Variants in SLC10A7 observed in about 807,000 individuals in gnomAD.
The protein encoded by SLC10A7 is solute carrier family 10 member 7.
A neutral mutation model predicts 43.2 loss-of-function variants in SLC10A7; 29 were observed. The observed-to-expected ratio is 0.67, with a 90% confidence interval of 0.50 to 0.92. The LOEUF (loss-of-function observed/expected upper bound fraction) is 0.92. SLC10A7 is among the 40% of genes least tolerant of loss of function. SLC10A7 has a pLI of 0.00. For missense variants in SLC10A7, 295 were observed against 403.2 expected, an observed-to-expected ratio of 0.73 and a Z score of 2.30; for synonymous variants, 152 against 144.8, an observed-to-expected ratio of 1.05 and a Z score of -0.35.
intron 5 of SLC10A7, among the ~76,000 whole-genome samples, chr4:146,333,333 T>C (rs1733662500): frequency 6.6e-6 from 1 of 152,164 alleles, no homozygotes. Context: ...TGCCAGACCC[T>C]ATTAGATGAT....
intron 5 of SLC10A7, among the ~76,000 whole-genome samples, chr4:146,399,531 G>T (rs930756642): frequency 6.6e-6 from 1 of 152,126 alleles, no homozygotes; most frequent in East Asian, 1.9e-4. Flanking sequence ...AGCACAACAG[G>T]CATAATTACA....
At chr4:146,345,046 T>C (rs1734523985) in intron 5 of SLC10A7, among the ~76,000 whole-genome samples, 2 of 152,120 alleles carry the variant, frequency 1.3e-5, no homozygotes, top group Admixed American at 1.3e-4. Context: ...CTCTAAATAC[T>C]GGTATGAATC....
At chr4:146,424,899 T>C (rs1465546353) in intron 5 of SLC10A7, among the ~76,000 whole-genome samples, 1 of 152,136 alleles carries the variant, frequency 6.6e-6, no homozygotes, top group Non-Finnish European at 1.5e-5. Flanking sequence ...AGTATAGTGT[T>C]GAAAAAGAAA....
intron 5 of SLC10A7, among the ~76,000 whole-genome samples, chr4:146,385,320 G>T (rs1356217422): frequency 6.6e-6 from 1 of 152,110 alleles, no homozygotes; most frequent in Admixed American, 6.6e-5. Flanking sequence ...TAGTGCAAAA[G>T]TAACTGCGGT....
chr4:146,326,273 G>A lies in SLC10A7; in HGVS notation c.436-277C>T, dbSNP rs184831223. On this transcript the variant is annotated intron_variant, in intron 5 of 11. Transcript: ENST00000335472. ...ACCTAAATTCCCTTCCACATTGCAC[G>A]TGGATCATACAGATAGAAGCTGGTG... 7.2e-5 allele frequency among the ~76,000 whole-genome samples: 11 copies of A among 152,214 alleles called. No individual in the cohort carries two copies. The East Asian group carries it at 1.5e-3, about 21-fold the overall frequency.
At chr4:146,479,144 C>A (rs1376180337) in intron 4 of SLC10A7, among the ~76,000 whole-genome samples, 1 of 152,070 alleles carries the variant, frequency 6.6e-6, no homozygotes, top group Admixed American at 6.6e-5. Context: ...AAATGTTACC[C>A]TGCAATATGA....
intron 10 of SLC10A7, among the ~76,000 whole-genome samples, chr4:146,265,423 T>C (rs923179711): frequency 2.0e-5 from 3 of 152,192 alleles, no homozygotes; most frequent in East Asian, 1.9e-4. Context: ...CCTAAATCCT[T>C]TGGGGTCACC....
intron 5 of SLC10A7, among the ~76,000 whole-genome samples, chr4:146,391,498 A>T (rs1365238828): frequency 6.6e-6 from 1 of 152,232 alleles, no homozygotes; most frequent in East Asian, 1.9e-4. Context: ...ATTTGAGTTG[A>T]GAAATAAAGT....
At chr4:146,519,172 A>G (rs1368095767) in intron 1 of SLC10A7, among the ~76,000 whole-genome samples, 1 of 134,940 alleles carries the variant, frequency 7.4e-6, no homozygotes, top group Non-Finnish European at 1.6e-5. Flanking sequence ...ATATGATACA[A>G]TAATGTACAT....
intron 5 of SLC10A7, among the ~76,000 whole-genome samples, chr4:146,351,258 G>A (rs1158220623): frequency 5.5e-4 from 81 of 147,852 alleles, no homozygotes; most frequent in Non-Finnish European, 9.6e-4. Flanking sequence ...GAGCTGATAC[G>A]ATCAACTGGA....
intron 5 of SLC10A7, among the ~76,000 whole-genome samples, chr4:146,424,349 T>C (rs1729167517): frequency 6.6e-6 from 1 of 152,156 alleles, no homozygotes; most frequent in African/African-American, 2.4e-5. Flanking sequence ...ACCATTCTTG[T>C]CTGAGAATCA....
chr4:146,442,954 C>T, intron 4 of SLC10A7, 133 bp from the exon 5 acceptor site: 1 of 656,854 alleles, frequency 1.5e-6, no homozygotes, highest in Non-Finnish European at 2.5e-6. Context: ...AAGTTAGTCA[C>T]TGCTTACAAA....
intron 5 of SLC10A7, among the ~76,000 whole-genome samples, chr4:146,432,408 T>A (rs1414751711): frequency 6.6e-6 from 1 of 152,194 alleles, no homozygotes; most frequent in African/African-American, 2.4e-5. Flanking sequence ...AATTTATTAC[T>A]ACTTAGCAAT....
intron 5 of SLC10A7, among the ~76,000 whole-genome samples, chr4:146,349,232 C>G (rs1734843292): frequency 6.6e-6 from 1 of 152,040 alleles, no homozygotes; most frequent in South Asian, 2.1e-4. Flanking sequence ...AGAAGACATA[C>G]AAGCAGCCAA....
At position 146,258,700 on chromosome 4, in the gene SLC10A7, T is replaced by G; in HGVS notation, c.985A>C (p.Arg329=). 1 of 1,589,768 alleles carries G rather than the reference T, an allele frequency of 6.3e-7. No homozygotes were observed. The highest frequency in any genetic ancestry group is 8.5e-7 in the Non-Finnish European group (1 of 1,174,510). The change falls in exon 11 of 12, where the codon AGG becomes CGG. Residue 329 remains arginine, a synonymous_variant. Transcript: ENST00000335472. ...TCTTTCTGGGGACTCACCTTCTGCCTTGATACCATCCAAGACTTGATTGTT... is the reference window on the plus strand; with the variant it reads ...TCTTTCTGGGGACTCACCTTCTGCCGTGATACCATCCAAGACTTGATTGTT... ...VPTIKSWMVS[R]QKGVKLTRPT...
intron 11 of SLC10A7, 200 bp from the exon 12 acceptor site, chr4:146,256,720 C>CG (rs397701469): frequency 3.8e-6 from 4 of 1,050,314 alleles, no homozygotes; most frequent in African/African-American, 3.2e-5. Context: ...GTCATTTCCC[C>CG]TCCCACACCT....
At chr4:146,472,436 G>GTT (rs5862760) in intron 4 of SLC10A7, among the ~76,000 whole-genome samples, 12 of 128,898 alleles carry the variant, frequency 9.3e-5, no homozygotes, top group South Asian at 5.2e-4. Context: ...GGCTTATTCT[G>GTT]TTTTTTTTTT....
intron 5 of SLC10A7, among the ~76,000 whole-genome samples, chr4:146,416,466 T>C (rs1728573756): frequency 6.6e-6 from 1 of 152,236 alleles, no homozygotes; most frequent in South Asian, 2.1e-4. Context: ...TTTCTTCACC[T>C]GACTCTATTT....
intron 5 of SLC10A7, among the ~76,000 whole-genome samples, chr4:146,351,015 G>C (rs1735052454): frequency 6.6e-6 from 1 of 150,736 alleles, no homozygotes; most frequent in Non-Finnish European, 1.5e-5. Context: ...ACCAGCAACG[G>C]AACAAAGCTG....
Sources: allele counts gnomAD v4.1 joint callset (sites outside exome capture counted in the v4.1 genomes callset), GRCh38; gene constraint gnomAD v4.1.1; transcripts MANE v1.5; gene names NCBI Gene and HGNC (gene_info 2026-07-23, HGNC 2026-07-21).